The following NPAS3 variants were observed in gnomAD, a reference collection of about 807,000 sequenced individuals.
The protein encoded by NPAS3 is neuronal PAS domain-containing protein 3.
In NPAS3, 14 loss-of-function variants were observed where a neutral mutation model predicts 73.1. That is an observed-to-expected ratio of 0.19 (90% CI 0.13 to 0.30). The LOEUF (loss-of-function observed/expected upper bound fraction) is 0.30, where lower values mean the gene tolerates loss of function less well. Ranked by LOEUF, NPAS3 falls within the 10% of genes least tolerant of loss-of-function variation. The pLI is 1.00. For missense variants in NPAS3, 1,096 were observed against 1,250.0 expected, an observed-to-expected ratio of 0.88 and a Z score of 1.86; for synonymous variants, 620 against 541.5, an observed-to-expected ratio of 1.14 and a Z score of -2.01.
At chr14:33,783,973 A>T (rs557595622) in intron 9 of NPAS3, among the ~76,000 whole-genome samples, 58 of 152,350 alleles carry the variant, frequency 3.8e-4, no homozygotes, top group Non-Finnish European at 6.9e-4. Flanking sequence ...GAATTCTGAG[A>T]ACAGTAGCAA....
chr14:33,114,023 G>A (rs1268479218), intron 2 of NPAS3, among the ~76,000 whole-genome samples: 1 of 152,052 alleles, frequency 6.6e-6, no homozygotes, highest in Non-Finnish European at 1.5e-5. Flanking sequence ...AAGCCCACTT[G>A]ATCATGTTGG....
chr14:33,083,064 T>TC (rs1226057220), intron 2 of NPAS3, among the ~76,000 whole-genome samples: 2 of 151,168 alleles, frequency 1.3e-5, no homozygotes, highest in Non-Finnish European at 2.9e-5. Flanking sequence ...GTGCCTGTAG[T>TC]CCCAACTACT....
chr14:33,005,920 G>A (rs758642176), intron 1 of NPAS3, among the ~76,000 whole-genome samples: 2 of 152,204 alleles, frequency 1.3e-5, no homozygotes, highest in Middle Eastern at 3.4e-3. Context: ...GTCCTTCCAC[G>A]GAAACTCTGC....
At chr14:33,699,732 C>CA (rs1431256920) in intron 6 of NPAS3, among the ~76,000 whole-genome samples, 1 of 152,042 alleles carries the variant, frequency 6.6e-6, no homozygotes, top group African/African-American at 2.4e-5. Context: ...AGCCCAGTAC[C>CA]AAGTCAAAGA....
chr14:33,800,923 C>A lies in NPAS3; in HGVS notation c.2616C>A (p.Leu872=). Residue 872 remains leucine (L), a synonymous_variant, in exon 12 of 12, where the codon CTC becomes CTA. Coordinates refer to ENST00000356141, the Ensembl canonical transcript of NPAS3. The surrounding 1 kb of genome is among the most constrained non-coding windows in gnomAD (Gnocchi z 6.5). Reference sequence around the variant, plus strand: ...ACCCCAAGACGCCCATGGAGATGCTCTACCACCACGTGCACCGGCTCAACA... The same window carrying A: ...ACCCCAAGACGCCCATGGAGATGCTATACCACCACGTGCACCGGCTCAACA... The A allele has an allele frequency of 6.2e-7, 1 of 1,608,474 alleles. No homozygotes were observed. Among genetic ancestry groups the A allele is most frequent in the South Asian group, 1.1e-5 (1 of 89,836 alleles).
At chr14:33,067,905 C>G (rs531372938) in intron 2 of NPAS3, among the ~76,000 whole-genome samples, 1 of 152,286 alleles carries the variant, frequency 6.6e-6, no homozygotes, top group South Asian at 2.1e-4. Context: ...ATCTTTTATT[C>G]TGCCTCTCTC....
intron 3 of NPAS3, among the ~76,000 whole-genome samples, chr14:33,340,593 G>T (rs992238705): frequency 6.6e-6 from 1 of 152,152 alleles, no homozygotes; most frequent in Non-Finnish European, 1.5e-5. Flanking sequence ...ATTATTTATA[G>T]GTTAAATGAT....
intron 3 of NPAS3, among the ~76,000 whole-genome samples, chr14:33,265,790 T>C (rs1194102338): frequency 6.6e-6 from 1 of 151,934 alleles, no homozygotes; most frequent in Admixed American, 6.6e-5. Context: ...AATATTTAAA[T>C]CAACCCCTTA....
chr14:33,734,766 A>G (rs1262879476), intron 6 of NPAS3, among the ~76,000 whole-genome samples: 1 of 152,212 alleles, frequency 6.6e-6, no homozygotes, highest in African/African-American at 2.4e-5. Flanking sequence ...AACTCCCAGT[A>G]GGCAAATGGC....
At chr14:33,318,467 A>G (rs1284134682) in intron 3 of NPAS3, among the ~76,000 whole-genome samples, 1 of 152,112 alleles carries the variant, frequency 6.6e-6, no homozygotes, top group Non-Finnish European at 1.5e-5. Context: ...ACACTTAAAA[A>G]CAGTTAAGAT....
At chr14:33,750,142 A>G (rs1167382582) in intron 7 of NPAS3, among the ~76,000 whole-genome samples, 1 of 152,088 alleles carries the variant, frequency 6.6e-6, no homozygotes, top group East Asian at 1.9e-4. Context: ...GACTCCATTC[A>G]AAGTACCAAA....
chr14:33,704,489 TATAAAA>T (rs1204108360), intron 6 of NPAS3, among the ~76,000 whole-genome samples: 1 of 152,180 alleles, frequency 6.6e-6, no homozygotes, highest in African/African-American at 2.4e-5. Flanking sequence ...AAATCTCAAA[TATAAAA>T]ATAAAAAGTA....
intron 2 of NPAS3, among the ~76,000 whole-genome samples, chr14:33,178,471 A>C (rs1297211216): frequency 6.6e-6 from 1 of 152,206 alleles, no homozygotes; most frequent in Admixed American, 6.5e-5. Flanking sequence ...TATTTTTAAT[A>C]ATATAAATTT....
intron 1 of NPAS3, among the ~76,000 whole-genome samples, chr14:32,973,503 T>C (rs2037523207): frequency 6.6e-6 from 1 of 151,958 alleles, no homozygotes; most frequent in Non-Finnish European, 1.5e-5. Flanking sequence ...GTAAATGCAA[T>C]TCTGTTTATA....
chr14:32,944,056 A>G (rs1308044693), intron 1 of NPAS3, among the ~76,000 whole-genome samples: 2 of 152,204 alleles, frequency 1.3e-5, no homozygotes, highest in East Asian at 1.9e-4. Context: ...GCTTTCCTCT[A>G]CTAACTTCCT....
intron 4 of NPAS3, among the ~76,000 whole-genome samples, chr14:33,428,010 G>A (rs541500817): frequency 6.6e-6 from 1 of 152,186 alleles, no homozygotes; most frequent in South Asian, 2.1e-4. Context: ...TATAGTGGTA[G>A]TTTGTGTCAC....
intron 4 of NPAS3, among the ~76,000 whole-genome samples, chr14:33,403,442 A>G (rs1421713961): frequency 2.0e-5 from 3 of 152,072 alleles, no homozygotes; most frequent in African/African-American, 7.2e-5. Context: ...ATGTTTAGTG[A>G]GTGTATTTCA....
intron 7 of NPAS3, among the ~76,000 whole-genome samples, chr14:33,747,339 CA>C (rs1293932962): frequency 6.6e-6 from 1 of 152,058 alleles, no homozygotes; most frequent in South Asian, 2.1e-4. Context: ...ATCGCAAGAA[CA>C]AAAAACCAAA....
intron 1 of NPAS3, among the ~76,000 whole-genome samples, chr14:32,969,521 C>G (rs1414355583): frequency 6.6e-6 from 1 of 152,174 alleles, no homozygotes; most frequent in African/African-American, 2.4e-5. Flanking sequence ...ATAAAAAGGT[C>G]TGGACCAAAT....
Sources: gnomAD v4.1 joint callset for allele counts (sites outside exome capture counted in the v4.1 genomes callset) on GRCh38, gnomAD v4.1.1 for gene constraint, Gnocchi (gnomAD v3.1) non-coding constraint, MANE v1.5 for transcripts, NCBI Gene and HGNC (gene_info 2026-07-23, HGNC 2026-07-21) for gene names.